The following RAP1GAP2 variants were observed in gnomAD, a reference collection of about 807,000 sequenced individuals.
The protein encoded by RAP1GAP2 is RAP1 GTPase activating protein 2, also known as rap1 GTPase-activating protein 2.
Under a neutral mutation model 95.0 loss-of-function variants are expected in RAP1GAP2, and 27 were observed. The observed-to-expected ratio is 0.28, with a 90% CI of 0.21 to 0.39. The LOEUF is 0.39. RAP1GAP2 is among the 10% of genes least tolerant of loss of function. RAP1GAP2 has a pLI of 1.00. For missense variants in RAP1GAP2, 771 were observed against 970.0 expected, an observed-to-expected ratio of 0.79 and a Z score of 2.72; for synonymous variants, 373 against 380.9, an observed-to-expected ratio of 0.98 and a Z score of 0.24.
At chr17:2,919,741 T>C (rs12936292) in intron 3 of RAP1GAP2, among the ~76,000 whole-genome samples, 34,089 of 152,022 alleles carry the variant, frequency 0.22, 4,004 homozygotes, top group East Asian at 0.33. Context: ...CTTGCTCTGT[T>C]GCCCAGGCTG....
At position 2,870,877 on chromosome 17, in the gene RAP1GAP2, C is replaced by T. The variant is rs1389425859; in HGVS notation, c.81-34407C>T. On this transcript the variant is annotated intron_variant, in intron 2 of 24. Coordinates refer to ENST00000254695, the MANE Select transcript of RAP1GAP2 (RefSeq NM_015085.5). The surrounding 1 kb of genome is among the most constrained non-coding windows in gnomAD (Gnocchi z 4.4). ...TGTGTCTCTTTGTGTTGGCTTCATT[C>T]TCTTGGGCCATCTGTCTCCATGATG... Among the ~76,000 whole-genome samples, 1 of 152,232 alleles carries T rather than the reference C, an allele frequency of 6.6e-6. No homozygotes were observed. The highest frequency in any genetic ancestry group is 1.5e-5 in the Non-Finnish European group (1 of 68,046).
intron 2 of RAP1GAP2, among the ~76,000 whole-genome samples, chr17:2,890,044 G>C (rs899477291): frequency 1.3e-5 from 2 of 151,558 alleles, no homozygotes; most frequent in Non-Finnish European, 2.9e-5. Flanking sequence ...CTGTAGGTTG[G>C]GTTAGAGCAT....
chr17:2,907,549 C>G (rs919697146), intron 3 of RAP1GAP2, among the ~76,000 whole-genome samples: 1 of 150,970 alleles, frequency 6.6e-6, no homozygotes, highest in Non-Finnish European at 1.5e-5. Context: ...TCAGGGGGAA[C>G]GTAAGGTTAG....
intron 8 of RAP1GAP2, among the ~76,000 whole-genome samples, chr17:2,973,389 G>A (rs544217273): frequency 2.0e-5 from 3 of 152,088 alleles, no homozygotes; most frequent in East Asian, 3.9e-4. Flanking sequence ...GGTGGTGGGT[G>A]CCTGTAATCC....
intron 2 of RAP1GAP2, among the ~76,000 whole-genome samples, chr17:2,832,351 G>T (rs1488067335): frequency 6.6e-6 from 1 of 150,936 alleles, no homozygotes; most frequent in Non-Finnish European, 1.5e-5. Context: ...GAGGTCAGGA[G>T]ATCGAGATCA....
intron 20 of RAP1GAP2, 46 bp from the exon 21 acceptor site, chr17:3,026,304 G>T (rs898745973): frequency 6.8e-7 from 1 of 1,478,980 alleles, no homozygotes; most frequent in Non-Finnish European, 9.2e-7. Flanking sequence ...GGGGTGGAGG[G>T]CTCTCGCGTG....
chr17:2,989,884 C>T (rs920157054), intron 11 of RAP1GAP2, among the ~76,000 whole-genome samples: 7 of 152,132 alleles, frequency 4.6e-5, no homozygotes, highest in Admixed American at 3.3e-4. Flanking sequence ...CCACACTCAC[C>T]AGCAGGCACT....
chr17:2,973,162 C>T (rs1203047823), intron 8 of RAP1GAP2, among the ~76,000 whole-genome samples: 1 of 152,094 alleles, frequency 6.6e-6, no homozygotes, highest in Non-Finnish European at 1.5e-5. Flanking sequence ...AGATTTTATC[C>T]TAAGAGTCAT....
intron 8 of RAP1GAP2, among the ~76,000 whole-genome samples, chr17:2,967,363 T>A (rs539466089): frequency 3.3e-5 from 5 of 151,852 alleles, no homozygotes; most frequent in Non-Finnish European, 7.4e-5. Context: ...AGAGTGAGAC[T>A]CTGTCTCAAC....
intron 1 of RAP1GAP2, among the ~76,000 whole-genome samples, chr17:2,768,548 T>C (rs1235248942): frequency 7.2e-5 from 11 of 151,952 alleles, no homozygotes; most frequent in Non-Finnish European, 8.8e-5. Flanking sequence ...AAAAATTAGC[T>C]GGGCATGGTG....
At chr17:2,966,208 C>G (rs972876535) in intron 8 of RAP1GAP2, among the ~76,000 whole-genome samples, 2 of 152,210 alleles carry the variant, frequency 1.3e-5, no homozygotes, top group African/African-American at 4.8e-5. Flanking sequence ...GTTTAGCTAA[C>G]ATGTTTTGTA....
intron 3 of RAP1GAP2, among the ~76,000 whole-genome samples, chr17:2,946,062 A>G (rs1417723607): frequency 6.6e-6 from 1 of 152,126 alleles, no homozygotes; most frequent in Non-Finnish European, 1.5e-5. Flanking sequence ...AAGTGCTGGG[A>G]TTACAGGTGT....
At chr17:2,998,179 T>C (rs774780897) in intron 13 of RAP1GAP2, 42 bp from the exon 14 acceptor site, 2 of 1,587,448 alleles carry the variant, frequency 1.3e-6, no homozygotes, top group Non-Finnish European at 1.7e-6. Context: ...TCTTTCATGA[T>C]TTTCCTAACT....
intron 8 of RAP1GAP2, among the ~76,000 whole-genome samples, chr17:2,970,977 A>G (rs1478154502): frequency 1.3e-5 from 2 of 152,066 alleles, no homozygotes; most frequent in African/African-American, 2.4e-5. Context: ...CGAGGCTACA[A>G]TGAGCCATGA....
At chr17:2,936,487 C>T (rs541699826) in intron 3 of RAP1GAP2, among the ~76,000 whole-genome samples, 1 of 152,002 alleles carries the variant, frequency 6.6e-6, no homozygotes, top group East Asian at 1.9e-4. Context: ...CTCCCTCTTC[C>T]TCTCCTTCCT....
chr17:2,807,284 T>G (rs1052868429), intron 2 of RAP1GAP2, among the ~76,000 whole-genome samples: 1 of 152,230 alleles, frequency 6.6e-6, no homozygotes, highest in African/African-American at 2.4e-5. Context: ...ACTGGGTCTT[T>G]GTTTACTGTA....
chr17:2,757,990 C>A (rs971162910), intron 1 of RAP1GAP2, among the ~76,000 whole-genome samples: 1 of 151,994 alleles, frequency 6.6e-6, no homozygotes, highest in South Asian at 2.1e-4. Context: ...CTGCCTCAGC[C>A]TCCTGAGTAG....
intron 2 of RAP1GAP2, among the ~76,000 whole-genome samples, chr17:2,842,171 A>G (rs1567699598): frequency 6.6e-6 from 1 of 152,164 alleles, no homozygotes; most frequent in Non-Finnish European, 1.5e-5. Flanking sequence ...ACGCTTGGGT[A>G]ATAGGTGAAT....
At chr17:2,860,176 C>T (rs552891747) in intron 2 of RAP1GAP2, among the ~76,000 whole-genome samples, 21 of 152,224 alleles carry the variant, frequency 1.4e-4, no homozygotes, top group Admixed American at 5.9e-4. Flanking sequence ...AGACAGGAGC[C>T]GATCCACTCC....
Sources: gnomAD v4.1 joint callset for allele counts (sites outside exome capture counted in the v4.1 genomes callset) on GRCh38, gnomAD v4.1.1 for gene constraint, Gnocchi (gnomAD v3.1) non-coding constraint, MANE v1.5 for transcripts, NCBI Gene and HGNC (gene_info 2026-07-23, HGNC 2026-07-21) for gene names.